The following ST6GALNAC3 variants were observed in gnomAD, a reference collection of about 807,000 sequenced individuals.
ST6GALNAC3 encodes the protein alpha-N-acetylgalactosaminide alpha-2,6-sialyltransferase 3.
ST6GALNAC3 carries 25 observed loss-of-function variants against 32.7 expected under a neutral mutation model. That is an observed-to-expected ratio of 0.76 (90% CI 0.56 to 1.07). The LOEUF is 1.07. Ranked by LOEUF, ST6GALNAC3 falls within the 50% of genes least tolerant of loss-of-function variation. The pLI is 0.00. For synonymous variants in ST6GALNAC3, 129 were observed against 133.1 expected, an observed-to-expected ratio of 0.97 and a Z score of 0.21; for missense variants, 355 against 382.4, an observed-to-expected ratio of 0.93 and a Z score of 0.60.
intron 2 of ST6GALNAC3, 78 bp downstream of exon 2, chr1:76,314,077 A>G: frequency 1.5e-6 from 2 of 1,368,138 alleles, no homozygotes; most frequent in Non-Finnish European, 2.0e-6. Context: ...GAGGGCTTCC[A>G]ACTCACTGAA....
intron 2 of ST6GALNAC3, among the ~76,000 whole-genome samples, chr1:76,321,895 G>A (rs773862550): frequency 6.6e-6 from 1 of 152,100 alleles, no homozygotes; most frequent in African/African-American, 2.4e-5. Flanking sequence ...TTGCTGTGAG[G>A]CATCAGCAGT....
At chr1:76,369,359 GAAC>G (rs1650637182) in intron 2 of ST6GALNAC3, among the ~76,000 whole-genome samples, 1 of 152,138 alleles carries the variant, frequency 6.6e-6, no homozygotes, top group Non-Finnish European at 1.5e-5. Context: ...CTTGCAGGTA[GAAC>G]AACAACTAAT....
At chr1:76,468,028 T>G (rs541953450) in intron 3 of ST6GALNAC3, among the ~76,000 whole-genome samples, 21 of 151,812 alleles carry the variant, frequency 1.4e-4, no homozygotes, top group Non-Finnish European at 2.2e-4. Context: ...TTTTCTTTTT[T>G]TCTAAAATTT....
chr1:76,569,488 G>C (rs367208), intron 3 of ST6GALNAC3, among the ~76,000 whole-genome samples: 1 of 151,808 alleles, frequency 6.6e-6, no homozygotes, highest in Non-Finnish European at 1.5e-5. Context: ...CAAGATGCCT[G>C]GGCAAATCAA....
chr1:76,536,121 G>T (rs778576527), intron 3 of ST6GALNAC3, among the ~76,000 whole-genome samples: 6 of 152,000 alleles, frequency 3.9e-5, no homozygotes, highest in Non-Finnish European at 8.8e-5. Context: ...AGAAATTTTT[G>T]GACAAAGGAA....
intron 3 of ST6GALNAC3, among the ~76,000 whole-genome samples, chr1:76,462,794 T>C (rs1658369867): frequency 6.6e-6 from 1 of 152,202 alleles, no homozygotes; most frequent in Non-Finnish European, 1.5e-5. Flanking sequence ...CGTGCAGCCA[T>C]GTTTTAAGAA....
At chr1:76,408,430 AG>A (rs749754256) in intron 2 of ST6GALNAC3, among the ~76,000 whole-genome samples, 3 of 152,118 alleles carry the variant, frequency 2.0e-5, no homozygotes, top group Non-Finnish European at 4.4e-5. Context: ...CTACCCTCAA[AG>A]CCGTTGCATT....
intron 3 of ST6GALNAC3, among the ~76,000 whole-genome samples, chr1:76,495,291 T>C (rs1660784201): frequency 6.6e-6 from 1 of 152,144 alleles, no homozygotes; most frequent in South Asian, 2.1e-4. Flanking sequence ...TTATTATAAA[T>C]GTGGCTGAGA....
chr1:76,568,146 A>C (rs577810824), intron 3 of ST6GALNAC3, among the ~76,000 whole-genome samples: 3 of 152,300 alleles, frequency 2.0e-5, no homozygotes, highest in African/African-American at 7.2e-5. Flanking sequence ...TGTCTACTAC[A>C]TCATTCCATC....
At chr1:76,611,669 A>AT (rs1460473350) in intron 3 of ST6GALNAC3, among the ~76,000 whole-genome samples, 4 of 152,124 alleles carry the variant, frequency 2.6e-5, no homozygotes, top group Admixed American at 1.3e-4. Context: ...ATTAAATGCT[A>AT]TTTTTTCTCT....
chr1:76,328,498 T>C (rs1647123711), intron 2 of ST6GALNAC3, among the ~76,000 whole-genome samples: 1 of 152,210 alleles, frequency 6.6e-6, no homozygotes, highest in South Asian at 2.1e-4. Context: ...CATATTTCTC[T>C]ACCTACATTT....
intron 2 of ST6GALNAC3, among the ~76,000 whole-genome samples, chr1:76,403,825 A>T (rs1478094314): frequency 6.6e-6 from 1 of 152,114 alleles, no homozygotes; most frequent in Non-Finnish European, 1.5e-5. Context: ...AGTTGGCCAT[A>T]AAATTATCCA....
intron 1 of ST6GALNAC3, among the ~76,000 whole-genome samples, chr1:76,147,308 C>A (rs561241856): frequency 8.5e-5 from 13 of 152,316 alleles, no homozygotes; most frequent in African/African-American, 2.4e-4. Context: ...GGTGATCCAA[C>A]TGCCTCAGCC....
At chr1:76,390,979 G>A (rs888128818) in intron 2 of ST6GALNAC3, among the ~76,000 whole-genome samples, 7 of 117,194 alleles carry the variant, frequency 6.0e-5, no homozygotes, top group African/African-American at 1.1e-4. Context: ...TCGCACTGTC[G>A]CCCAGGCTAG....
chr1:76,155,629 G>A (rs967069620), intron 1 of ST6GALNAC3, among the ~76,000 whole-genome samples: 2 of 147,012 alleles, frequency 1.4e-5, no homozygotes, highest in African/African-American at 2.7e-5. Context: ...CACTACGCCT[G>A]GCTAATTTTT....
intron 1 of ST6GALNAC3, among the ~76,000 whole-genome samples, chr1:76,172,469 T>C (rs1429706800): frequency 2.0e-5 from 3 of 152,128 alleles, no homozygotes; most frequent in African/African-American, 7.2e-5. Flanking sequence ...TTCACCATAG[T>C]ATTGGAAGTT....
At chr1:76,222,908 T>C (rs1222478475) in intron 1 of ST6GALNAC3, among the ~76,000 whole-genome samples, 1 of 152,122 alleles carries the variant, frequency 6.6e-6, no homozygotes, top group Non-Finnish European at 1.5e-5. Context: ...ACTCAGATGC[T>C]GGCAAGGTTG....
At chr1:76,627,327 C>G in intron 3 of ST6GALNAC3, 125 bp from the exon 4 acceptor site, 1 of 650,178 alleles carries the variant, frequency 1.5e-6, no homozygotes, top group Non-Finnish European at 2.7e-6. Context: ...TTTCTCAACT[C>G]TTTTTCCTGA....
chr1:76,489,453 G>A (rs759580897), intron 3 of ST6GALNAC3, among the ~76,000 whole-genome samples: 7 of 151,052 alleles, frequency 4.6e-5, no homozygotes, highest in South Asian at 2.1e-4. Flanking sequence ...TCTCCCTCTC[G>A]CTCTTGCTCT....
Sources: allele counts gnomAD v4.1 joint callset (sites outside exome capture counted in the v4.1 genomes callset), GRCh38; gene constraint gnomAD v4.1.1; transcripts MANE v1.5; gene names NCBI Gene and HGNC (gene_info 2026-07-23, HGNC 2026-07-21).